The following IQCK variants were observed in gnomAD, a reference collection of about 807,000 sequenced individuals.
IQCK encodes IQ domain-containing protein K.
A neutral mutation model predicts 28.1 loss-of-function variants in IQCK; 29 were observed. The observed-to-expected ratio is 1.03, with a 90% CI of 0.77 to 1.41. IQCK has a LOEUF of 1.41. Ranked by LOEUF, IQCK falls within the 40% of genes most tolerant of loss-of-function variation. IQCK has a pLI of 0.00. For missense variants in IQCK, 359 were observed against 314.7 expected, an observed-to-expected ratio of 1.14 and a Z score of -1.07; for synonymous variants, 113 against 115.1, an observed-to-expected ratio of 0.98 and a Z score of 0.12.
intron 6 of IQCK, among the ~76,000 whole-genome samples, chr16:19,785,047 G>T (rs900716780): frequency 2.6e-5 from 4 of 152,164 alleles, no homozygotes; most frequent in Non-Finnish European, 4.4e-5. Context: ...GGGATTACAG[G>T]CCCATGAGCC....
intron 4 of IQCK, among the ~76,000 whole-genome samples, chr16:19,746,416 A>T (rs1202570570): frequency 6.6e-6 from 1 of 152,174 alleles, no homozygotes; most frequent in Non-Finnish European, 1.5e-5. Context: ...TTGCTATCAA[A>T]TAGTAGGTCT....
chr16:19,856,689 G>T (rs1220766092), exon 10 of IQCK: 1 of 654,708 alleles, frequency 1.5e-6, no homozygotes, highest in Non-Finnish European at 2.6e-6. Context: ...TACAAGATAG[G>T]ATTCATTGCA....
intron 4 of IQCK, among the ~76,000 whole-genome samples, chr16:19,758,569 A>T (rs1282946756): frequency 6.6e-6 from 1 of 152,200 alleles, no homozygotes; most frequent in Non-Finnish European, 1.5e-5. Flanking sequence ...CCATCCTACA[A>T]TTGCCAGATT....
exon 1 of IQCK, chr16:19,718,328 C>A: frequency 6.2e-7 from 1 of 1,609,180 alleles, no homozygotes; most frequent in Non-Finnish European, 8.5e-7. Context: ...GCGGCAAATC[C>A]CCAGCCACAT....
chr16:19,736,793 C>A (rs1978028052), intron 4 of IQCK, among the ~76,000 whole-genome samples: 1 of 151,948 alleles, frequency 6.6e-6, no homozygotes, highest in East Asian at 1.9e-4. Flanking sequence ...ACACAGAGGC[C>A]TGAAATGTGA....
chr16:19,760,438 A>G (rs1017714238), intron 4 of IQCK, among the ~76,000 whole-genome samples: 4 of 152,142 alleles, frequency 2.6e-5, no homozygotes, highest in African/African-American at 9.7e-5. Context: ...CTTCCTTGTT[A>G]ATAGAGCCCC....
chr16:19,785,052 T>G (rs536361209), intron 6 of IQCK, among the ~76,000 whole-genome samples: 2 of 152,146 alleles, frequency 1.3e-5, no homozygotes, highest in Non-Finnish European at 2.9e-5. Context: ...TACAGGCCCA[T>G]GAGCCACGGC....
At chr16:19,829,728 G>A (rs557517849), downstream of IQCK, among the ~76,000 whole-genome samples, 4 of 152,244 alleles carry the variant, frequency 2.6e-5, no homozygotes, top group African/African-American at 9.6e-5. Context: ...CTGTGCTCTC[G>A]GCTCTGGGCA....
intron 1 of IQCK, among the ~76,000 whole-genome samples, chr16:19,729,665 G>A (rs1977767560): frequency 1.3e-5 from 2 of 150,502 alleles, no homozygotes; most frequent in African/African-American, 2.4e-5. Flanking sequence ...TTTTTTTTGA[G>A]ATGGAGTCTC....
intron 9 of IQCK, among the ~76,000 whole-genome samples, chr16:19,852,275 A>T (rs2056492206): frequency 6.6e-6 from 1 of 152,208 alleles, no homozygotes; most frequent in East Asian, 1.9e-4. Context: ...GCTATAAAAC[A>T]CATATAACAA....
chr16:19,742,938 G>T (rs959269402), intron 4 of IQCK, among the ~76,000 whole-genome samples: 1 of 152,194 alleles, frequency 6.6e-6, no homozygotes. Context: ...GGAGGCCGAG[G>T]CGGGTAGATC....
At chr16:19,852,950 T>G (rs951190217) in intron 9 of IQCK, among the ~76,000 whole-genome samples, 2 of 152,172 alleles carry the variant, frequency 1.3e-5, no homozygotes, top group African/African-American at 4.8e-5. Context: ...CTAATCCAAG[T>G]TGATGCGTGT....
chr16:19,754,455 C>A (rs755427122), intron 4 of IQCK, among the ~76,000 whole-genome samples: 1 of 152,128 alleles, frequency 6.6e-6, no homozygotes, highest in East Asian at 1.9e-4. Context: ...CTCCATGTAA[C>A]GTAAAATTTT....
At chr16:19,856,361 A>G in intron 9 of IQCK, 126 bp from the exon 9 acceptor site, 1 of 700,426 alleles carries the variant, frequency 1.4e-6, no homozygotes. Context: ...GGAACCATGA[A>G]TAGCAGGCGC....
At chr16:19,801,302 C>CTTT (rs573505762) in intron 7 of IQCK, among the ~76,000 whole-genome samples, 8 of 87,902 alleles carry the variant, frequency 9.1e-5, no homozygotes, top group South Asian at 3.6e-4. Flanking sequence ...CTCTCTCTCT[C>CTTT]TTTTTTTTTT....
At chr16:19,811,434 A>T (rs1050429433) in intron 7 of IQCK, among the ~76,000 whole-genome samples, 5 of 152,242 alleles carry the variant, frequency 3.3e-5, no homozygotes, top group African/African-American at 1.2e-4. Flanking sequence ...GAACAGTTGG[A>T]TGAACTTTAT....
At chr16:19,810,684 T>C (rs1303370573) in intron 7 of IQCK, among the ~76,000 whole-genome samples, 1 of 151,172 alleles carries the variant, frequency 6.6e-6, no homozygotes, top group Admixed American at 6.6e-5. Flanking sequence ...TGGGCGCCTG[T>C]AATCCCAGCT....
At chr16:19,748,397 TAGTA>T (rs2054942609) in intron 4 of IQCK, among the ~76,000 whole-genome samples, 1 of 152,166 alleles carries the variant, frequency 6.6e-6, no homozygotes, top group Admixed American at 6.5e-5. Context: ...TTCCATTTAC[TAGTA>T]AGTGACTTTG....
chr16:19,774,281 T>C (rs1362008595), intron 6 of IQCK, among the ~76,000 whole-genome samples: 2 of 152,162 alleles, frequency 1.3e-5, no homozygotes, highest in East Asian at 3.9e-4. Flanking sequence ...GCCTTTCAAC[T>C]GAACAAAGTT....
Sources: gnomAD v4.1 joint callset for allele counts (sites outside exome capture counted in the v4.1 genomes callset) on GRCh38, gnomAD v4.1.1 for gene constraint, MANE v1.5 for transcripts, NCBI Gene and HGNC (gene_info 2026-07-23, HGNC 2026-07-21) for gene names.